The following GPHN variants were observed in gnomAD, a reference collection of about 807,000 sequenced individuals.
The protein encoded by GPHN is gephyrin.
A neutral mutation model predicts 95.5 loss-of-function variants in GPHN; 17 were observed. The ratio of observed to expected loss-of-function variants is 0.18; its 90% CI spans 0.12 to 0.27. The LOEUF (loss-of-function observed/expected upper bound fraction) is 0.27, where lower values mean the gene tolerates loss of function less well. Ranked by LOEUF, GPHN falls within the 10% of genes least tolerant of loss-of-function variation. The probability of loss-of-function intolerance (pLI) is 1.00; values close to 1 mark genes in which losing one functional copy is unlikely to be tolerated. For synonymous variants in GPHN, 320 were observed against 322.5 expected (o/e 0.99, Z 0.08); for missense variants, 660 against 978.1 (o/e 0.67, Z 4.34).
chr14:66,933,800 G>T (rs1477414793), intron 8 of GPHN, among the ~76,000 whole-genome samples: 1 of 152,030 alleles, frequency 6.6e-6, no homozygotes, highest in East Asian at 1.9e-4. Context: ...TATCCTCACT[G>T]CTCAGAATAC....
chr14:67,716,145 C>A, the GPHN span, among the ~76,000 whole-genome samples: 15 of 149,390 alleles, frequency 1.0e-4, no homozygotes, highest in African/African-American at 3.7e-4. Flanking sequence ...TGCAGTGGGC[C>A]GAGATCACGC....
chr14:67,704,010 T>C, the GPHN span, among the ~76,000 whole-genome samples: 19,256 of 152,272 alleles, frequency 0.13, 1,483 homozygotes, highest in South Asian at 0.34. Flanking sequence ...ATCTCATTTT[T>C]AAAATATTAA....
intron 1 of GPHN, among the ~76,000 whole-genome samples, chr14:66,601,543 T>C (rs1265277979): frequency 6.6e-6 from 1 of 152,034 alleles, no homozygotes; most frequent in Non-Finnish European, 1.5e-5. Flanking sequence ...GACCATTTTT[T>C]CCAGTACTAT....
the GPHN span, among the ~76,000 whole-genome samples, chr14:67,537,926 CTA>C: frequency 6.6e-6 from 1 of 152,194 alleles, no homozygotes; most frequent in African/African-American, 2.4e-5. Flanking sequence ...GGTATCAAGA[CTA>C]TGGCAGTTTT....
At chr14:67,107,419 A>G (rs187731968) in intron 13 of GPHN, among the ~76,000 whole-genome samples, 2 of 152,188 alleles carry the variant, frequency 1.3e-5, no homozygotes, top group Admixed American at 1.3e-4. Flanking sequence ...TTATCCAAAG[A>G]ACCAAGGTTT....
chr14:67,559,918 A>C, the GPHN span, among the ~76,000 whole-genome samples: 1 of 152,236 alleles, frequency 6.6e-6, no homozygotes, highest in East Asian at 1.9e-4. Flanking sequence ...TGCTGGATTT[A>C]AGTTTGCGAG....
At chr14:67,209,377 G>A in the GPHN span, among the ~76,000 whole-genome samples, 1 of 152,168 alleles carries the variant, frequency 6.6e-6, no homozygotes, top group Non-Finnish European at 1.5e-5. Context: ...GGTGGTCAAG[G>A]CCATTTGAGC....
At chr14:67,714,176 C>T in the GPHN span, among the ~76,000 whole-genome samples, 1 of 152,164 alleles carries the variant, frequency 6.6e-6, no homozygotes, top group African/African-American at 2.4e-5. Flanking sequence ...TGCTCCGTCT[C>T]CCAGGCTGGA....
At chr14:66,650,856 A>G (rs1340110406) in intron 1 of GPHN, among the ~76,000 whole-genome samples, 1 of 152,166 alleles carries the variant, frequency 6.6e-6, no homozygotes, top group East Asian at 1.9e-4. Context: ...TGGTTTCACT[A>G]CTTGGGTCAA....
At chr14:67,683,812 C>T in the GPHN span, among the ~76,000 whole-genome samples, 1 of 152,218 alleles carries the variant, frequency 6.6e-6, no homozygotes, top group Non-Finnish European at 1.5e-5. Context: ...TCCCTCCTCT[C>T]CCTACTAATA....
chr14:66,536,733 G>A (rs915822305), intron 1 of GPHN, among the ~76,000 whole-genome samples: 2 of 152,166 alleles, frequency 1.3e-5, no homozygotes, highest in African/African-American at 4.8e-5. Flanking sequence ...TGTTGATTCT[G>A]CAGTCTTTGG....
intron 9 of GPHN, chr14:66,996,332 T>C: frequency 2.8e-6 from 2 of 720,776 alleles, no homozygotes; most frequent in Admixed American, 2.1e-5. Flanking sequence ...TGCACTTGCC[T>C]GAAAGGGATG....
intron 17 of GPHN, among the ~76,000 whole-genome samples, chr14:67,134,402 C>T (rs1314986021): frequency 6.6e-6 from 1 of 152,218 alleles, no homozygotes; most frequent in African/African-American, 2.4e-5. Flanking sequence ...ACAGTTGTTT[C>T]ACCTTAATCC....
chr14:67,566,078 C>T, the GPHN span, among the ~76,000 whole-genome samples: 44 of 152,328 alleles, frequency 2.9e-4, no homozygotes, highest in African/African-American at 1.1e-3. Flanking sequence ...GAGATTGCGC[C>T]ACTGCACTCC....
chr14:67,082,251 T>C (rs538059175), intron 11 of GPHN, among the ~76,000 whole-genome samples: 1 of 152,294 alleles, frequency 6.6e-6, no homozygotes, highest in African/African-American at 2.4e-5. Flanking sequence ...TGTTTCCATT[T>C]GTTTGTGTCA....
At chr14:67,260,984 T>TG in the GPHN span, among the ~76,000 whole-genome samples, 3 of 151,772 alleles carry the variant, frequency 2.0e-5, no homozygotes, top group African/African-American at 7.3e-5. Context: ...TGCCCTGGAG[T>TG]CAAGCAGACT....
chr14:67,376,727 A>C, the GPHN span: 2 of 803,736 alleles, frequency 2.5e-6, no homozygotes, highest in Non-Finnish European at 3.9e-6. Flanking sequence ...AAATGGGCCA[A>C]TCCTATATGG....
At chr14:66,805,420 A>G (rs560370537) in intron 3 of GPHN, among the ~76,000 whole-genome samples, 18 of 152,168 alleles carry the variant, frequency 1.2e-4, no homozygotes, top group South Asian at 4.2e-4. Context: ...TTCATACCCA[A>G]TCATGCCTTC....
intron 1 of GPHN, among the ~76,000 whole-genome samples, chr14:66,620,925 G>C (rs1008921494): frequency 7.2e-5 from 11 of 152,156 alleles, no homozygotes; most frequent in African/African-American, 2.6e-4. Context: ...AAAACAAAGG[G>C]GCTACAGGCC....
Sources: allele counts gnomAD v4.1 joint callset (sites outside exome capture counted in the v4.1 genomes callset), GRCh38; gene constraint gnomAD v4.1.1; transcripts MANE v1.5; gene names NCBI Gene and HGNC (gene_info 2026-07-23, HGNC 2026-07-21).